The following SCFD2 variants were observed in gnomAD, a reference collection of about 807,000 sequenced individuals.
SCFD2 encodes sec1 family domain-containing protein 2.
In SCFD2, 54 loss-of-function variants were observed where a neutral mutation model predicts 58.9. The ratio of observed to expected loss-of-function variants is 0.92; its 90% CI spans 0.74 to 1.15. SCFD2 has a LOEUF of 1.15. Among genes scored for constraint, SCFD2 ranks in the 50% most tolerant of loss-of-function variants. The pLI is 0.00. For synonymous variants in SCFD2, 321 were observed against 335.9 expected, an observed-to-expected ratio of 0.96 and a Z score of 0.49; for missense variants, 805 against 836.6, an observed-to-expected ratio of 0.96 and a Z score of 0.47.
chr4:53,290,245 T>G (rs1731795797), intron 3 of SCFD2, among the ~76,000 whole-genome samples: 1 of 152,046 alleles, frequency 6.6e-6, no homozygotes, highest in Non-Finnish European at 1.5e-5. Context: ...TTAACAAACT[T>G]AAGAAGATCA....
At chr4:53,029,841 G>T (rs1014185647) in intron 5 of SCFD2, among the ~76,000 whole-genome samples, 1 of 152,094 alleles carries the variant, frequency 6.6e-6, no homozygotes, top group Non-Finnish European at 1.5e-5. Context: ...ATAGATCATA[G>T]ATCTGAATTT....
chr4:52,886,429 T>G (rs1273633560), intron 7 of SCFD2, among the ~76,000 whole-genome samples: 2 of 152,256 alleles, frequency 1.3e-5, no homozygotes, highest in African/African-American at 4.8e-5. Flanking sequence ...GACCTCTTTC[T>G]TCTTGGGCAT....
At chr4:53,270,745 T>C (rs1337818397) in intron 4 of SCFD2, among the ~76,000 whole-genome samples, 1 of 152,200 alleles carries the variant, frequency 6.6e-6, no homozygotes, top group Non-Finnish European at 1.5e-5. Context: ...TTTTAAAAAC[T>C]GAATTCATAA....
At chr4:53,119,484 A>G (rs942719613) in intron 5 of SCFD2, among the ~76,000 whole-genome samples, 2 of 152,210 alleles carry the variant, frequency 1.3e-5, no homozygotes, top group African/African-American at 4.8e-5. Context: ...GTTTCAAAAA[A>G]TAAATAAATA....
intron 2 of SCFD2, among the ~76,000 whole-genome samples, chr4:53,336,924 GA>G (rs946509787): frequency 6.6e-6 from 1 of 151,910 alleles, no homozygotes; most frequent in Non-Finnish European, 1.5e-5. Context: ...TGGAGGAAAA[GA>G]AAAAAAGAGA....
chr4:52,892,946 C>T (rs917706964), intron 7 of SCFD2, among the ~76,000 whole-genome samples: 1 of 152,222 alleles, frequency 6.6e-6, no homozygotes, highest in Non-Finnish European at 1.5e-5. Flanking sequence ...ATCTATCTCA[C>T]TTGAACTTAT....
intron 2 of SCFD2, among the ~76,000 whole-genome samples, chr4:53,346,723 G>T (rs1734068686): frequency 6.6e-6 from 1 of 152,146 alleles, no homozygotes; most frequent in Non-Finnish European, 1.5e-5. Context: ...AACAATTATA[G>T]TATAGTGTTC....
intron 5 of SCFD2, among the ~76,000 whole-genome samples, chr4:53,129,311 A>G (rs1161132927): frequency 3.3e-5 from 5 of 152,244 alleles, no homozygotes; most frequent in Non-Finnish European, 1.5e-5. Flanking sequence ...TTCAATGAAA[A>G]TTAATACTCC....
At chr4:53,157,926 C>G (rs1577786626) in intron 4 of SCFD2, among the ~76,000 whole-genome samples, 2 of 152,180 alleles carry the variant, frequency 1.3e-5, no homozygotes, top group African/African-American at 4.8e-5. Flanking sequence ...CAGAGCTTCT[C>G]AAAACTTAAT....
chr4:52,881,608 A>T (rs1056104750), intron 8 of SCFD2, among the ~76,000 whole-genome samples: 1 of 152,364 alleles, frequency 6.6e-6, no homozygotes, highest in Middle Eastern at 3.4e-3. Context: ...ATCCAGCTTA[A>T]TAGGAATGAT....
At chr4:53,058,371 ACAGT>A (rs1355961233) in intron 5 of SCFD2, among the ~76,000 whole-genome samples, 2 of 152,150 alleles carry the variant, frequency 1.3e-5, no homozygotes, top group African/African-American at 2.4e-5. Context: ...AATATATCAG[ACAGT>A]CAGACAACTA....
chr4:53,251,837 C>T (rs914004901), intron 4 of SCFD2, among the ~76,000 whole-genome samples: 2 of 151,368 alleles, frequency 1.3e-5, no homozygotes, highest in African/African-American at 4.9e-5. Flanking sequence ...ACAGGGATGC[C>T]CTCTCTCACC....
At chr4:52,942,240 T>G (rs1410960891) in intron 5 of SCFD2, among the ~76,000 whole-genome samples, 1 of 152,176 alleles carries the variant, frequency 6.6e-6, no homozygotes, top group African/African-American at 2.4e-5. Flanking sequence ...TACAGAATAT[T>G]TGGCAAAAGA....
chr4:53,298,496 C>T (rs1269859609), intron 3 of SCFD2, among the ~76,000 whole-genome samples: 3 of 152,224 alleles, frequency 2.0e-5, no homozygotes, highest in African/African-American at 7.2e-5. Flanking sequence ...GCCTGCCTGC[C>T]TCTGTAGGCT....
intron 5 of SCFD2, among the ~76,000 whole-genome samples, chr4:53,013,539 C>G (rs1003817431): frequency 2.6e-5 from 4 of 152,156 alleles, no homozygotes; most frequent in African/African-American, 9.7e-5. Context: ...AATCATTTAG[C>G]TGTTATGTTC....
intron 5 of SCFD2, among the ~76,000 whole-genome samples, chr4:53,037,489 T>C (rs1577676686): frequency 6.6e-6 from 1 of 152,202 alleles, no homozygotes; most frequent in East Asian, 1.9e-4. Context: ...GACATGCATG[T>C]ATTTTCCCAA....
intron 5 of SCFD2, among the ~76,000 whole-genome samples, chr4:52,997,469 G>A (rs1349080213): frequency 6.6e-6 from 1 of 152,200 alleles, no homozygotes; most frequent in African/African-American, 2.4e-5. Context: ...AGAAAGACAA[G>A]CCTCCTACTT....
chr4:53,325,177 A>ATGTGTG (rs71662217), intron 2 of SCFD2, among the ~76,000 whole-genome samples: 15 of 149,868 alleles, frequency 1.0e-4, no homozygotes, highest in African/African-American at 3.4e-4. Context: ...ATTACTACAG[A>ATGTGTG]TGTGTGTGTG....
intron 6 of SCFD2, among the ~76,000 whole-genome samples, chr4:52,919,296 C>G (rs1274632144): frequency 1.3e-5 from 2 of 152,130 alleles, no homozygotes; most frequent in Non-Finnish European, 2.9e-5. Context: ...CATTTTTGGT[C>G]TCAATGTCAT....
Sources: gnomAD v4.1 joint callset for allele counts (sites outside exome capture counted in the v4.1 genomes callset) on GRCh38, gnomAD v4.1.1 for gene constraint, MANE v1.5 for transcripts, NCBI Gene and HGNC (gene_info 2026-07-23, HGNC 2026-07-21) for gene names.